Variants in PPP1R16A observed in about 807,000 individuals in gnomAD.
PPP1R16A encodes myosin phosphatase-targeting subunit 3.
PPP1R16A carries 39 observed loss-of-function variants against 46.6 expected under a neutral mutation model. The ratio of observed to expected loss-of-function variants is 0.84; its 90% CI spans 0.65 to 1.09. The LOEUF (loss-of-function observed/expected upper bound fraction) is 1.09, where lower values mean the gene tolerates loss of function less well. PPP1R16A is among the 50% of genes least tolerant of loss of function. The pLI, the probability that PPP1R16A is intolerant of heterozygous loss-of-function variation, is 0.00. For synonymous variants in PPP1R16A, 413 were observed against 321.5 expected (o/e 1.28, Z -3.04); for missense variants, 798 against 735.6 (o/e 1.08, Z -0.98).
chr8:144,501,304 CCG>C lies in PPP1R16A; in HGVS notation c.1203+11_1203+12del. The stretch of plus-strand genomic sequence containing the variant: ...GCCGCCGCCCCCGGAGGTGAGCGCC[CCG>C]TCCCTGCTCCGCCCAGCGCAGGGGT... On this transcript the variant is annotated intron_variant, in intron 11 of 11. Transcript: ENST00000435887. 1 of 1,569,226 alleles carries C rather than the reference CCG, an allele frequency of 6.4e-7. No homozygotes were observed.
intron 3 of PPP1R16A, 93 bp downstream of exon 3, chr8:144,497,546 G>A: frequency 6.5e-7 from 1 of 1,544,540 alleles, no homozygotes; most frequent in South Asian, 1.1e-5. Context: ...GGCTGGGCCT[G>A]TCCACAGCTC....
intron 1 of PPP1R16A, among the ~76,000 whole-genome samples, chr8:144,481,142 G>A (rs557285137): frequency 2.6e-5 from 4 of 151,294 alleles, no homozygotes; most frequent in Admixed American, 2.0e-4. Context: ...CGCCCGCCTC[G>A]GCCTCCCAAA....
rs550030859 is a variant in PPP1R16A, at chr8:144,500,880, G to C, written c.946G>C (p.Glu316Gln). ...CGAGGAGGTGCGGGCCAAGCTGCTGGAGCTGAAGCACAAGCACGACGCCCT... is the reference window on the plus strand; with the variant it reads ...CGAGGAGGTGCGGGCCAAGCTGCTGCAGCTGAAGCACAAGCACGACGCCCT... ...GDEEVRAKLL[E>Q]LKHKHDALLR... Residue 316 changes from glutamate to glutamine, a missense_variant, in exon 10 of 12, where the codon GAG (glutamate) becomes CAG (glutamine). Transcript: ENST00000435887. The C allele has an allele frequency of 2.6e-6, 4 of 1,558,656 alleles. No homozygotes were observed. The highest frequency in any genetic ancestry group is 2.3e-5 in the South Asian group (2 of 85,136).
chr8:144,489,119 A>G (rs1313964286), intron 1 of PPP1R16A, among the ~76,000 whole-genome samples: 1 of 146,808 alleles, frequency 6.8e-6, no homozygotes, highest in Non-Finnish European at 1.5e-5. Context: ...CAGGAGAATC[A>G]TTTGAACCCA....
At chr8:144,486,688 T>G (rs1281921534) in intron 1 of PPP1R16A, among the ~76,000 whole-genome samples, 1 of 152,208 alleles carries the variant, frequency 6.6e-6, no homozygotes, top group Non-Finnish European at 1.5e-5. Flanking sequence ...CCTCTGCCCA[T>G]TTTCTAATTG....
chr8:144,494,637 G>A (rs1308500595), intron 2 of PPP1R16A, among the ~76,000 whole-genome samples: 1 of 152,166 alleles, frequency 6.6e-6, no homozygotes, highest in African/African-American at 2.4e-5. Context: ...GCTGGAGAGA[G>A]ACTGGGGATG....
intron 3 of PPP1R16A, chr8:144,498,223 A>G: frequency 1.9e-5 from 7 of 361,830 alleles, no homozygotes; most frequent in Admixed American, 2.9e-5. Flanking sequence ...GGAAGGTGGG[A>G]GCCCTCCTGC....
chr8:144,499,144 G>T, intron 5 of PPP1R16A, 83 bp downstream of exon 5: 1 of 1,463,276 alleles, frequency 6.8e-7, no homozygotes, highest in South Asian at 1.4e-5. Context: ...CAGTATCTGT[G>T]GCTCTCGGCC....
chr8:144,490,860 G>A (rs1361006025), intron 2 of PPP1R16A, among the ~76,000 whole-genome samples: 1 of 152,170 alleles, frequency 6.6e-6, no homozygotes, highest in Non-Finnish European at 1.5e-5. Flanking sequence ...TTTGAGACCA[G>A]TCTGGGCAAC....
In PPP1R16A at chr8:144,501,743, C is replaced by T; in HGVS notation, c.1427C>T (p.Pro476Leu). The change falls in exon 12 of 12, where the codon CCC becomes CTC. Residue 476 changes from proline to leucine, a missense_variant. Physicochemically the swap from Pro to Leu is moderately conservative, Grantham distance 98. Coordinates refer to ENST00000435887, the MANE Select transcript of PPP1R16A (RefSeq NM_001329443.2). ...AKLQRPPPEG[P>L]ESPETAEPGL... ...CTGCAGCGACCCCCACCTGAGGGGC[C>T]CGAGAGCCCTGAGACAGCTGAGCCT... 1 of 1,577,112 alleles carries T rather than the reference C, an allele frequency of 6.3e-7. No individual in the cohort carries two copies. Among genetic ancestry groups the T allele is most frequent in the East Asian group, 2.4e-5 (1 of 42,080 alleles).
At chr8:144,489,382 G>A (rs1434144434) in intron 1 of PPP1R16A, among the ~76,000 whole-genome samples, 2 of 104,004 alleles carry the variant, frequency 1.9e-5, no homozygotes. Context: ...GTTGGTCTGA[G>A]GGGGGTTGGA....
chr8:144,499,249 G>A (rs1259068407), intron 5 of PPP1R16A, 188 bp downstream of exon 5: 5 of 771,694 alleles, frequency 6.5e-6, no homozygotes, highest in Non-Finnish European at 7.9e-6. Flanking sequence ...TGTGCCCAGG[G>A]CAGCGCGGTC....
At chr8:144,479,640 G>T (rs1825321682) in intron 1 of PPP1R16A, among the ~76,000 whole-genome samples, 1 of 152,176 alleles carries the variant, frequency 6.6e-6, no homozygotes, top group Non-Finnish European at 1.5e-5. Flanking sequence ...GCTCTCCACT[G>T]CATGCAGCTT....
At position 144,501,165 on chromosome 8, in the gene PPP1R16A, C is replaced by G. The variant is rs921590468; in HGVS notation, c.1074C>G (p.Thr358=). The change falls in exon 11 of 12, where the codon ACC becomes ACG. Residue 358 remains threonine (T), a synonymous_variant. Transcript: ENST00000435887. ...GGCGGGTGAGCCTAACCCAGCGCAC[C>G]GACCTGTACCGCAAGCAGCACGCCC... ...VVRRVSLTQR[T]DLYRKQHAQE... The G allele has an allele frequency of 2.5e-6, 4 of 1,610,788 alleles. No individual in the cohort carries two copies. Among genetic ancestry groups the G allele is most frequent in the East Asian group, 4.5e-5 (2 of 44,854 alleles).
chr8:144,499,164 C>T, intron 5 of PPP1R16A, 103 bp downstream of exon 5: 1 of 1,363,634 alleles, frequency 7.3e-7, no homozygotes, highest in South Asian at 1.5e-5. Context: ...CTCCTGTGTT[C>T]CCGCCTTCAC....
chr8:144,485,689 T>C (rs1176786259), intron 1 of PPP1R16A, among the ~76,000 whole-genome samples: 1 of 152,208 alleles, frequency 6.6e-6, no homozygotes, highest in East Asian at 1.9e-4. Flanking sequence ...ATTGACCTTA[T>C]TCAGATTTCA....
At chr8:144,494,318 A>G (rs1168688964) in intron 2 of PPP1R16A, among the ~76,000 whole-genome samples, 1 of 151,446 alleles carries the variant, frequency 6.6e-6, no homozygotes, top group Non-Finnish European at 1.5e-5. Context: ...GGTGTCTGTT[A>G]AATCTTTTTT....
Position 144,500,670 on chromosome 8 carries a change from G to A in PPP1R16A, c.832-16G>A. ...TTCCAGCGCAGCAGTCTGCAGCTCC[G>A]GCCTGCCGTCCACAGGTGCCCCTGG... is the stretch of plus-strand genomic sequence containing the variant. On this transcript the variant is annotated splice_polypyrimidine_tract_variant and intron_variant, in intron 8 of 11. Coordinates refer to ENST00000435887, the MANE Select transcript of PPP1R16A (RefSeq NM_001329443.2). The A allele has an allele frequency of 1.2e-6, 2 of 1,608,932 alleles. No homozygotes were observed. Among genetic ancestry groups the A allele is most frequent in the East Asian group, 2.2e-5 (1 of 44,842 alleles).
At position 144,500,988 on chromosome 8, in the gene PPP1R16A, G is replaced by GCAGGC; in HGVS notation, c.1037+19_1037+23dup. 7.0e-7 allele frequency: 1 copy of GCAGGC among 1,434,008 alleles called. No individual in the cohort carries two copies. 88.8% of individuals were successfully genotyped at this position (1,434,008 alleles called of 1,614,324 possible). A position where few individuals can be genotyped will look rare whatever the true frequency, so the allele number is the denominator to read the frequency against. On this transcript the variant is annotated intron_variant, in intron 10 of 11. Transcript: ENST00000435887. Reference sequence around the variant, plus strand: ...CAGCCGCGGGTGAGCGCCGCCCCCAGCAGGCCCCGCCCCGGGCTTGGCCCC... The same window carrying GCAGGC: ...CAGCCGCGGGTGAGCGCCGCCCCCAGCAGGCCAGGCCCCGCCCCGGGCTTGGCCCC...
Sources: gnomAD v4.1 joint callset for allele counts (sites outside exome capture counted in the v4.1 genomes callset) on GRCh38, gnomAD v4.1.1 for gene constraint, MANE v1.5 for transcripts, NCBI Gene and HGNC (gene_info 2026-07-23, HGNC 2026-07-21) for gene names.